The following SCN7A variants were observed in gnomAD, a reference collection of about 807,000 sequenced individuals.
SCN7A encodes sodium channel protein type 7 subunit alpha.
SCN7A carries 138 observed loss-of-function variants against 155.2 expected under a neutral mutation model. The ratio of observed to expected loss-of-function variants is 0.89; its 90% CI spans 0.77 to 1.02. SCN7A has a LOEUF of 1.02. Among genes scored for constraint, SCN7A ranks in the 50% least tolerant of loss-of-function variants. The pLI, the probability that SCN7A is intolerant of heterozygous loss-of-function variation, is 0.00. For missense variants in SCN7A, 2,058 were observed against 1,986.6 expected (o/e 1.04, Z -0.68); for synonymous variants, 693 against 649.0 (o/e 1.07, Z -1.03).
chr2:166,423,564 G>A (rs1701558223), intron 18 of SCN7A, 132 bp from the exon 19 acceptor site: 11 of 1,013,590 alleles, frequency 1.1e-5, no homozygotes, highest in African/African-American at 1.7e-5. Flanking sequence ...TAGGCTCCAG[G>A]GCTGGTTCAC....
intron 1 of SCN7A, among the ~76,000 whole-genome samples, chr2:166,492,316 T>C (rs187678790): frequency 2.3e-4 from 35 of 152,308 alleles, no homozygotes; most frequent in African/African-American, 8.4e-4. Flanking sequence ...GGACTCACAG[T>C]ACCTATCCCC....
intron 2 of SCN7A, among the ~76,000 whole-genome samples, chr2:166,484,582 G>A (rs1703004492): frequency 6.6e-6 from 1 of 151,870 alleles, no homozygotes; most frequent in African/African-American, 2.4e-5. Flanking sequence ...ATCTAATCTT[G>A]AAGGCTAAAG....
intron 21 of SCN7A, among the ~76,000 whole-genome samples, chr2:166,414,134 TA>T: frequency 5.0e-5 from 4 of 79,244 alleles, no homozygotes; most frequent in Non-Finnish European, 6.7e-5. Context: ...ATATTATATA[TA>T]TGTAAATATA....
At chr2:166,443,112 A>G (rs543226378) in intron 14 of SCN7A, among the ~76,000 whole-genome samples, 1 of 152,250 alleles carries the variant, frequency 6.6e-6, no homozygotes, top group South Asian at 2.1e-4. Flanking sequence ...TATCATAATA[A>G]CATTCTCCTG....
rs1701681524 is a variant in SCN7A at position 166,429,168 on chromosome 2, C to A, written c.2698+1G>T. Reference sequence around the variant, plus strand: ...TAGCAAGATTAACAAAATTTTCTTACCATTTTTCAGATGCTTTGATCTTTC... The same window carrying A: ...TAGCAAGATTAACAAAATTTTCTTAACATTTTTCAGATGCTTTGATCTTTC... On this transcript the variant is annotated splice_donor_variant, in intron 17 of 25. Transcript: ENST00000643258. LOFTEE classifies it high-confidence loss of function. 3 of 1,513,774 alleles carry A rather than the reference C, an allele frequency of 2.0e-6. No homozygotes were observed. In the East Asian group the frequency reaches 7.4e-5, roughly 37 times the overall value. 93.8% of individuals were successfully genotyped at this position (1,513,774 alleles called of 1,614,324 possible).
chr2:166,492,820 T>A (rs1386130151), intron 1 of SCN7A, among the ~76,000 whole-genome samples: 1 of 152,228 alleles, frequency 6.6e-6, no homozygotes, highest in Non-Finnish European at 1.5e-5. Flanking sequence ...CTTTATATCA[T>A]CTCTGTCAAT....
intron 7 of SCN7A, among the ~76,000 whole-genome samples, chr2:166,469,475 A>G (rs958948357): frequency 6.6e-6 from 1 of 151,830 alleles, no homozygotes; most frequent in African/African-American, 2.4e-5. Flanking sequence ...TCTTTCTATT[A>G]AATATATGTT....
intron 3 of SCN7A, among the ~76,000 whole-genome samples, chr2:166,475,726 AT>A (rs1420788971): frequency 6.6e-6 from 1 of 151,966 alleles, no homozygotes; most frequent in Non-Finnish European, 1.5e-5. Flanking sequence ...TAATCTCCCA[AT>A]TTAAGAGCTG....
At chr2:166,424,069 T>G (rs1701568689) in intron 18 of SCN7A, among the ~76,000 whole-genome samples, 2 of 151,984 alleles carry the variant, frequency 1.3e-5, no homozygotes, top group Admixed American at 1.3e-4. Context: ...TCAATATACA[T>G]AAGAGGACAA....
intron 1 of SCN7A, among the ~76,000 whole-genome samples, chr2:166,491,652 A>T (rs1683109662): frequency 6.6e-6 from 1 of 151,638 alleles, no homozygotes; most frequent in Non-Finnish European, 1.5e-5. Flanking sequence ...CTAACAGAAG[A>T]GAAGGAACCA....
chr2:166,463,017 G>A (rs1020748032), intron 9 of SCN7A, among the ~76,000 whole-genome samples: 3 of 152,024 alleles, frequency 2.0e-5, no homozygotes, highest in African/African-American at 4.8e-5. Context: ...TATTAAAGGG[G>A]AAATATCTGA....
Position 166,477,547 on chromosome 2 carries a change from A to G in SCN7A, c.150T>C (p.Leu50=), listed in dbSNP as rs1477605248. The G allele has an allele frequency of 6.4e-7, 1 of 1,567,172 alleles. No homozygotes were observed. Among genetic ancestry groups the G allele is most frequent in the African/African-American group, 1.3e-5 (1 of 74,076 alleles). ...GAGAAAGGTTTCCATAAATAAATGGAAGCTTTTTGCCAACTTCCAAATCAG... is the reference window on the plus strand; with the variant it reads ...GAGAAAGGTTTCCATAAATAAATGGGAGCTTTTTGCCAACTTCCAAATCAG... The part of the protein sequence containing the change: ...PTPDLEVGKK[L]PFIYGNLSQG... The change falls in exon 3 of 26, where the codon CTT becomes CTC. Residue 50 remains leucine (L), a synonymous_variant. Coordinates refer to ENST00000643258, the MANE Select transcript of SCN7A (RefSeq NM_002976.4).
At chr2:166,476,374 A>G (rs1000882126) in intron 3 of SCN7A, among the ~76,000 whole-genome samples, 4 of 152,032 alleles carry the variant, frequency 2.6e-5, no homozygotes, top group African/African-American at 7.2e-5. Flanking sequence ...AGAATATCAA[A>G]TTACGTTTGC....
intron 1 of SCN7A, among the ~76,000 whole-genome samples, chr2:166,488,646 A>AT (rs1180419472): frequency 3.9e-4 from 50 of 128,314 alleles, no homozygotes; most frequent in African/African-American, 6.9e-4. Flanking sequence ...TTTTTTTTTT[A>AT]TTTTTTTTTG....
intron 15 of SCN7A, among the ~76,000 whole-genome samples, chr2:166,434,223 C>T (rs550034287): frequency 6.3e-4 from 96 of 152,162 alleles, no homozygotes; most frequent in African/African-American, 2.2e-3. Context: ...ATTTACTTCT[C>T]TCTATCTAGA....
At chr2:166,406,740 T>G (rs935267920) in intron 25 of SCN7A, 94 bp from the exon 26 acceptor site, 1 of 852,102 alleles carries the variant, frequency 1.2e-6, no homozygotes, top group African/African-American at 1.7e-5. Context: ...TGTTTTTCCC[T>G]GTTTTATTAA....
At chr2:166,427,974 C>G (rs966610308) in intron 17 of SCN7A, 32 bp from the exon 18 acceptor site, 1 of 1,601,132 alleles carries the variant, frequency 6.2e-7, no homozygotes, top group African/African-American at 1.3e-5. Context: ...GAACAACAAT[C>G]TAGAAAACTC....
chr2:166,408,488 C>G (rs552435606), intron 25 of SCN7A, among the ~76,000 whole-genome samples: 6 of 152,130 alleles, frequency 3.9e-5, no homozygotes, highest in Admixed American at 3.9e-4. Flanking sequence ...ACTGCTTTCT[C>G]TCTGACTGCA....
At chr2:166,486,515 C>T (rs1007926463) in intron 2 of SCN7A, among the ~76,000 whole-genome samples, 2 of 152,154 alleles carry the variant, frequency 1.3e-5, no homozygotes, top group Admixed American at 1.3e-4. Context: ...GGTTAACACG[C>T]TGGTACTGAG....
Sources: allele counts gnomAD v4.1 joint callset (sites outside exome capture counted in the v4.1 genomes callset), GRCh38; gene constraint gnomAD v4.1.1; transcripts MANE v1.5; gene names NCBI Gene and HGNC (gene_info 2026-07-23, HGNC 2026-07-21).